The following RYR3 variants were observed in gnomAD, a reference collection of about 807,000 sequenced individuals.
The protein encoded by RYR3 is ryanodine receptor 3, also known as brain ryanodine receptor-calcium release channel.
A neutral mutation model predicts 584.3 loss-of-function variants in RYR3; 207 were observed. The observed-to-expected ratio is 0.35, with a 90% confidence interval of 0.32 to 0.40. The LOEUF (loss-of-function observed/expected upper bound fraction) is 0.40. Ranked by LOEUF, RYR3 falls within the 10% of genes least tolerant of loss-of-function variation. The probability of loss-of-function intolerance (pLI) is 1.00; values close to 1 mark genes in which losing one functional copy is unlikely to be tolerated. For missense variants in RYR3, 5,616 were observed against 6,089.2 expected (o/e 0.92, Z 2.59); for synonymous variants, 2,416 against 2,248.5 (o/e 1.07, Z -2.11).
chr15:33,465,649 T>A, intron 1 of RYR3: 1 of 504,110 alleles, frequency 2.0e-6, no homozygotes, highest in Non-Finnish European at 3.9e-6. Context: ...GATCTCAGGT[T>A]TTTAAAAGAC....
chr15:33,746,728 T>C (rs2070750725), intron 53 of RYR3, among the ~76,000 whole-genome samples: 1 of 151,056 alleles, frequency 6.6e-6, no homozygotes, highest in South Asian at 2.1e-4. Flanking sequence ...CACTCCAGCC[T>C]GGTGACAGAG....
At chr15:33,360,831 G>A (rs1202986765) in intron 1 of RYR3, among the ~76,000 whole-genome samples, 1 of 152,190 alleles carries the variant, frequency 6.6e-6, no homozygotes, top group Non-Finnish European at 1.5e-5. Context: ...GCCCAAGGCA[G>A]CCAAGGAATC....
chr15:33,842,222 C>T (rs150488708), intron 91 of RYR3, among the ~76,000 whole-genome samples, 187 bp downstream of exon 91: 15 of 152,272 alleles, frequency 9.9e-5, no homozygotes, highest in African/African-American at 3.6e-4. Flanking sequence ...AGGGGGAGAG[C>T]CTGGAAAGAA....
intron 67 of RYR3, among the ~76,000 whole-genome samples, chr15:33,793,472 C>A (rs1432213336): frequency 6.6e-6 from 1 of 152,058 alleles, no homozygotes; most frequent in African/African-American, 2.4e-5. Flanking sequence ...GCTACCTAGC[C>A]CTTCCCCATT....
chr15:33,515,955 A>G (rs2053480598), intron 3 of RYR3, among the ~76,000 whole-genome samples: 1 of 152,190 alleles, frequency 6.6e-6, no homozygotes, highest in Non-Finnish European at 1.5e-5. Flanking sequence ...GTCTTTCCAA[A>G]CATATATCCC....
chr15:33,801,464 C>T (rs1471085866), intron 68 of RYR3, among the ~76,000 whole-genome samples: 1 of 152,216 alleles, frequency 6.6e-6, no homozygotes, highest in Non-Finnish European at 1.5e-5. Context: ...ATTTTCCCCA[C>T]AGCAGAGACA....
rs2059302426 is a variant in RYR3 at position 33,595,025 on chromosome 15, A to G, written c.1789-6394A>G. On this transcript the variant is annotated intron_variant, in intron 16 of 103. Coordinates refer to ENST00000634891, the MANE Select transcript of RYR3 (RefSeq NM_001036.6). ...ATAATTTTTATACCAAATAAGCTAA[A>G]TTATGTCATTTTTGGACTTTAGGGA... Among the ~76,000 whole-genome samples, 8 of 152,232 alleles carry G rather than the reference A, an allele frequency of 5.3e-5. 1 individual carries two copies. Among genetic ancestry groups the G allele is most frequent in the African/African-American group, 1.7e-4 (7 of 41,470 alleles).
intron 1 of RYR3, among the ~76,000 whole-genome samples, chr15:33,330,359 G>C (rs1403034584): frequency 6.6e-6 from 1 of 152,036 alleles, no homozygotes; most frequent in Non-Finnish European, 1.5e-5. Context: ...GCATCCCCCT[G>C]TCTGAAGTAG....
intron 1 of RYR3, among the ~76,000 whole-genome samples, chr15:33,401,251 T>C (rs147329226): frequency 7.5e-4 from 115 of 152,344 alleles, no homozygotes; most frequent in African/African-American, 2.6e-3. Context: ...CTCCTGATGA[T>C]AGAAGCACTG....
At chr15:33,460,806 A>G (rs1399412361) in intron 1 of RYR3, among the ~76,000 whole-genome samples, 2 of 152,002 alleles carry the variant, frequency 1.3e-5, no homozygotes, top group Non-Finnish European at 2.9e-5. Flanking sequence ...CAGTGCCTGC[A>G]GGAGTCTTGG....
intron 19 of RYR3, among the ~76,000 whole-genome samples, chr15:33,619,050 C>T (rs1253791168): frequency 6.6e-6 from 1 of 152,182 alleles, no homozygotes; most frequent in African/African-American, 2.4e-5. Context: ...CAAAACTTCA[C>T]TACTCCCAGG....
At chr15:33,753,630 T>G (rs984639350) in intron 57 of RYR3, among the ~76,000 whole-genome samples, 3 of 152,208 alleles carry the variant, frequency 2.0e-5, no homozygotes, top group Non-Finnish European at 4.4e-5. Context: ...TATAGATTTT[T>G]TGCCATCGAA....
intron 64 of RYR3, among the ~76,000 whole-genome samples, chr15:33,774,033 T>G (rs1469771671): frequency 6.6e-6 from 1 of 152,244 alleles, no homozygotes; most frequent in East Asian, 1.9e-4. Context: ...GCTACAACCC[T>G]GGACTTTTAC....
intron 12 of RYR3, among the ~76,000 whole-genome samples, chr15:33,575,118 G>T (rs1445192251): frequency 2.6e-5 from 4 of 152,282 alleles, no homozygotes; most frequent in Non-Finnish European, 2.9e-5. Context: ...GGGGCACCCA[G>T]ATCTATAAAA....
intron 1 of RYR3, among the ~76,000 whole-genome samples, chr15:33,382,348 G>A: frequency 1.0e-5 from 1 of 97,986 alleles, no homozygotes; most frequent in African/African-American, 6.4e-5. Context: ...TTTTGAGACG[G>A]AGTCTCGCTT....
chr15:33,646,554 G>A (rs1435401345), intron 29 of RYR3, 28 bp downstream of exon 29: 1 of 1,581,962 alleles, frequency 6.3e-7, no homozygotes, highest in Non-Finnish European at 8.6e-7. Flanking sequence ...AGTTCTCAGA[G>A]GCACTCATTG....
At chr15:33,805,724 G>C (rs12904769) in intron 69 of RYR3, among the ~76,000 whole-genome samples, 1 of 150,876 alleles carries the variant, frequency 6.6e-6, no homozygotes, top group African/African-American at 2.4e-5. Context: ...TGATCCGCCC[G>C]CCTCGGCCTC....
chr15:33,475,348 G>A lies in RYR3; in HGVS notation c.171+1810G>A, dbSNP rs142672545. Among the ~76,000 whole-genome samples the A allele has an allele frequency of 8.8e-3, 1,341 of 152,282 alleles. 25 individuals are homozygous for A. The highest frequency in any genetic ancestry group is 0.01 in the Middle Eastern group (3 of 294). ...CCAACCTTTTTGGCACCAGGATCCAGTTTTATGGAAGAGAGTTTTTCCACG... is the reference window on the plus strand; with the variant it reads ...CCAACCTTTTTGGCACCAGGATCCAATTTTATGGAAGAGAGTTTTTCCACG... On this transcript the variant is annotated intron_variant, in intron 2 of 103. Coordinates refer to ENST00000634891, the MANE Select transcript of RYR3 (RefSeq NM_001036.6).
rs112141012 is a variant in RYR3 at position 33,425,438 on chromosome 15, G to T, written c.52-47981G>T. 9.3e-3 allele frequency among the ~76,000 whole-genome samples: 1,409 copies of T among 152,220 alleles called. 13 individuals carry two copies. Among genetic ancestry groups the T allele is most frequent in the South Asian group, 0.064 (309 of 4,816 alleles). On this transcript the variant is annotated intron_variant, in intron 1 of 103. Transcript: ENST00000634891. ...TGGGGCCACATGTAGTCCTGACTCA[G>T]CTTCTGAATTTCTGGTGAAATCTAA...
Sources: allele counts gnomAD v4.1 joint callset (sites outside exome capture counted in the v4.1 genomes callset), GRCh38; gene constraint gnomAD v4.1.1; transcripts MANE v1.5; gene names NCBI Gene and HGNC (gene_info 2026-07-23, HGNC 2026-07-21).